Variants in PHKA1 observed in about 807,000 individuals in gnomAD.
PHKA1 encodes the protein phosphorylase b kinase regulatory subunit alpha, skeletal muscle isoform.
A neutral mutation model predicts 110.2 loss-of-function variants in PHKA1; 60 were observed. That is an observed-to-expected ratio of 0.54 (90% confidence interval 0.44 to 0.68). The LOEUF is 0.68. Among genes scored for constraint, PHKA1 ranks in the 30% least tolerant of loss-of-function variants. The probability of loss-of-function intolerance (pLI) is 0.00; values close to 1 mark genes in which losing one functional copy is unlikely to be tolerated. For synonymous variants in PHKA1, 316 were observed against 333.6 expected (o/e 0.95, Z 0.58); for missense variants, 801 against 942.5 (o/e 0.85, Z 1.97).
chrX:72,660,842 A>G (rs1369747439), intron 8 of PHKA1: 3 of 204,096 alleles, frequency 1.5e-5, no homozygotes, highest in Non-Finnish European at 2.7e-5. Flanking sequence ...GTTTTGGTGG[A>G]GAAATAATGT....
intron 17 of PHKA1, among the ~76,000 whole-genome samples, chrX:72,626,156 A>G (rs1484243388): frequency 1.9e-5 from 2 of 107,836 alleles, no homozygotes; most frequent in African/African-American, 6.8e-5. Context: ...TGTGTATGGG[A>G]GGATGTAGGG....
chrX:72,675,947 G>C, intron 6 of PHKA1, 123 bp downstream of exon 6: 1 of 539,161 alleles, frequency 1.9e-6, no homozygotes, highest in Non-Finnish European at 3.2e-6. Flanking sequence ...TCTGAATGTT[G>C]CCTGTGGTTT....
At chrX:72,683,690 T>A (rs914079018) in intron 5 of PHKA1, among the ~76,000 whole-genome samples, 1 of 112,297 alleles carries the variant, frequency 8.9e-6, no homozygotes, top group Non-Finnish European at 1.9e-5. Flanking sequence ...TCACTATAGA[T>A]TTCTAGAATT....
chrX:72,611,287 T>C, intron 21 of PHKA1, 103 bp from the exon 22 acceptor site: 1 of 618,826 alleles, frequency 1.6e-6, no homozygotes, highest in Non-Finnish European at 2.7e-6. Flanking sequence ...GATAGGTCTC[T>C]CTCACTAGGA....
intron 3 of PHKA1, among the ~76,000 whole-genome samples, chrX:72,704,002 A>G (rs1050205382): frequency 8.9e-6 from 1 of 112,338 alleles, no homozygotes; most frequent in Non-Finnish European, 1.9e-5. Flanking sequence ...TCAAAAATAA[A>G]TGATAGACTG....
intron 8 of PHKA1, among the ~76,000 whole-genome samples, chrX:72,664,963 T>C (rs1431356821): frequency 9.1e-6 from 1 of 110,459 alleles, no homozygotes; most frequent in African/African-American, 3.3e-5. Context: ...TACATCAAAA[T>C]AGTAGAAAGA....
Position 72,635,178 on chromosome X carries a change from A to T in PHKA1, c.1691T>A (p.Phe564Tyr). ...WRMTGQPTIT[F>Y]PISHSMLDED... ...ACCAAGCATGCTGTGTGAGATGGGG[A>T]AGGTGATGGTGGGCTGGCCTGTCAT... The change falls in exon 16 of 32, where the codon TTC (phenylalanine) becomes TAC (tyrosine). Residue 564 changes from phenylalanine (F) to tyrosine (Y), a missense_variant. Coordinates refer to ENST00000373542, the MANE Select transcript of PHKA1 (RefSeq NM_002637.4). 2 of 1,211,742 alleles carry T rather than the reference A, an allele frequency of 1.7e-6. No homozygotes were observed. The highest frequency in any genetic ancestry group is 2.3e-4 in the Middle Eastern group (1 of 4,285).
chrX:72,611,407 A>C (rs868962935), intron 21 of PHKA1, among the ~76,000 whole-genome samples: 7 of 112,016 alleles, frequency 6.2e-5, no homozygotes, highest in South Asian at 3.7e-4. Context: ...TTTTGACAAA[A>C]TGCATTCTTT....
In PHKA1 at chrX:72,666,233, G is replaced by A. The variant is rs782692869; in HGVS notation, c.782C>T (p.Ser261Leu). 9.9e-6 allele frequency: 12 copies of A among 1,209,305 alleles called. No individual in the cohort carries two copies. In the South Asian group the frequency reaches 1.6e-4, roughly 16 times the overall value. Residue 261 changes from serine (S) to leucine (L), a missense_variant, in exon 8 of 32, where the codon TCA becomes TTA. Transcript: ENST00000373542. Reference sequence around the variant, plus strand: ...TGCAAAGGCAGGGAAGGAAACCACTGAGAGTAGACTAGCATCAACCTCTTT... The same window carrying A: ...TGCAAAGGCAGGGAAGGAAACCACTAAGAGTAGACTAGCATCAACCTCTTT... The part of the protein sequence containing the change: ...TSKEVDASLL[S>L]VVSFPAFAVE...
intron 29 of PHKA1, among the ~76,000 whole-genome samples, chrX:72,591,659 T>C (rs928338367): frequency 6.2e-5 from 7 of 112,051 alleles, no homozygotes; most frequent in African/African-American, 2.3e-4. Context: ...AATTTTAAAG[T>C]CATTTATAGA....
intron 9 of PHKA1, among the ~76,000 whole-genome samples, chrX:72,656,751 G>A (rs906612141): frequency 9.0e-6 from 1 of 111,528 alleles, no homozygotes; most frequent in Admixed American, 9.5e-5. Flanking sequence ...AATTAAAATA[G>A]GAAAAGAATT....
chrX:72,625,192 T>C (rs1556282007), intron 17 of PHKA1, among the ~76,000 whole-genome samples: 1 of 111,821 alleles, frequency 8.9e-6, no homozygotes, highest in Non-Finnish European at 1.9e-5. Context: ...GTGTACAAAC[T>C]ATTTCATCAC....
At chrX:72,597,804 T>C (rs4825944) in intron 28 of PHKA1, among the ~76,000 whole-genome samples, 8,322 of 111,400 alleles carry the variant, frequency 0.075, 848 homozygotes, top group East Asian at 0.67. Context: ...TATGCTGAGA[T>C]CTATGAGTCT....
chrX:72,670,043 T>C (rs1201154515), intron 6 of PHKA1, among the ~76,000 whole-genome samples: 2 of 111,486 alleles, frequency 1.8e-5, no homozygotes, highest in Non-Finnish European at 3.8e-5. Flanking sequence ...CCAGCTCCTG[T>C]TGTTTCCTAA....
Position 72,650,321 on chromosome X carries a change from C to G in PHKA1, c.1324+69G>C. On this transcript the variant is annotated intron_variant, in intron 13 of 31. Transcript: ENST00000373542. ...ATAGAATAAAGTCATAATTTACTAG[C>G]CTAAAGATCTCTGCCCATAACCAGA... 7.2e-6 allele frequency: 6 copies of G among 835,545 alleles called. No individual in the cohort carries two copies. In the South Asian group the frequency reaches 1.3e-4, roughly 18 times the overall value. The allele number at this position is 835,545 out of a possible 1,213,427, so 68.9% of individuals were successfully genotyped here. A position where few individuals can be genotyped will look rare whatever the true frequency, so the allele number is the denominator to read the frequency against.
Position 72,599,928 on chromosome X carries a change from G to A in PHKA1, c.3072+2063C>T, listed in dbSNP as rs2052637136. 13 of 498,170 alleles carry A rather than the reference G, an allele frequency of 2.6e-5. No individual in the cohort carries two copies. The East Asian group carries it at 4.8e-4, about 18-fold the overall frequency. 41.1% of individuals were successfully genotyped at this position (498,170 alleles called of 1,213,427 possible). On this transcript the variant is annotated intron_variant, in intron 28 of 31. Coordinates refer to ENST00000373542, the MANE Select transcript of PHKA1 (RefSeq NM_002637.4). ...ATATGAGGCCAGGAAACAATTATTT[G>A]TACTTTTAAGTCACTAGTGGAGTAA...
intron 2 of PHKA1, among the ~76,000 whole-genome samples, chrX:72,706,641 A>T (rs1556332590): frequency 9.0e-6 from 1 of 111,492 alleles, no homozygotes; most frequent in Non-Finnish European, 1.9e-5. Context: ...ACTCATTTTA[A>T]AAAAACATAT....
chrX:72,683,528 G>A (rs1449032466), intron 5 of PHKA1, among the ~76,000 whole-genome samples: 1 of 112,009 alleles, frequency 8.9e-6, no homozygotes, highest in African/African-American at 3.3e-5. Context: ...TATTTAAAGT[G>A]TACAACTTGA....
rs782227492 is a variant in PHKA1, at chrX:72,589,765, G to T, written c.3243+3339C>A. ...CAAAATCAATGTGCAAAATTCACAA[G>T]CATTCCTATATACTAATAATAAACA... On this transcript the variant is annotated intron_variant, in intron 29 of 31. Coordinates refer to ENST00000373542, the MANE Select transcript of PHKA1 (RefSeq NM_002637.4). Among the ~76,000 whole-genome samples the T allele has an allele frequency of 2.2e-4, 23 of 106,925 alleles. 1 individual carries two copies. The highest frequency in any genetic ancestry group is 4.3e-4 in the Non-Finnish European group (23 of 53,107). 92.9% of individuals were successfully genotyped at this position (106,925 alleles called of 115,157 possible). A position where few individuals can be genotyped will look rare whatever the true frequency, so the allele number is the denominator to read the frequency against.
Sources: allele counts gnomAD v4.1 joint callset (sites outside exome capture counted in the v4.1 genomes callset), GRCh38; gene constraint gnomAD v4.1.1; transcripts MANE v1.5; gene names NCBI Gene and HGNC (gene_info 2026-07-23, HGNC 2026-07-21).